TFB1M: variants seen among roughly 807,000 people sequenced by gnomAD.
TFB1M encodes dimethyladenosine transferase 1, mitochondrial.
TFB1M carries 27 observed loss-of-function variants against 31.1 expected under a neutral mutation model. That is an observed-to-expected ratio of 0.87 (90% CI 0.64 to 1.20). TFB1M has a LOEUF of 1.20. Ranked by LOEUF, TFB1M falls within the 50% of genes most tolerant of loss-of-function variation. The pLI, the probability that TFB1M is intolerant of heterozygous loss-of-function variation, is 0.00. For missense variants in TFB1M, 394 were observed against 418.7 expected (o/e 0.94, Z 0.51); for synonymous variants, 166 against 151.8 (o/e 1.09, Z -0.69).
intron 2 of TFB1M, among the ~76,000 whole-genome samples, chr6:155,307,904 A>G (rs1777855252): frequency 6.8e-6 from 1 of 148,022 alleles, no homozygotes. Flanking sequence ...GCTCTAAAAT[A>G]AACAGAAAAA....
At chr6:155,300,023 T>C (rs1008390139) in intron 2 of TFB1M, among the ~76,000 whole-genome samples, 62 of 152,232 alleles carry the variant, frequency 4.1e-4, no homozygotes, top group Non-Finnish European at 8.8e-5. Flanking sequence ...GAGTGTTTAA[T>C]ACATATTTAA....
chr6:155,246,891 A>C, the TFB1M span, among the ~76,000 whole-genome samples: 1 of 152,358 alleles, frequency 6.6e-6, no homozygotes, highest in Admixed American at 6.5e-5. Context: ...ATCTTCCTTC[A>C]GAGTAGCTGC....
the TFB1M span, chr6:155,250,784 C>A: frequency 8.8e-7 from 1 of 1,140,364 alleles, no homozygotes; most frequent in Non-Finnish European, 1.3e-6. Flanking sequence ...CCCATGTTTA[C>A]AGGTATCATA....
chr6:155,250,002 T>A, the TFB1M span: 3 of 1,557,102 alleles, frequency 1.9e-6, no homozygotes, highest in Non-Finnish European at 2.6e-6. Flanking sequence ...GGGAGCCTAG[T>A]GCATGTGGTG....
chr6:155,295,215 A>G (rs1777111772), intron 4 of TFB1M, among the ~76,000 whole-genome samples: 1 of 151,956 alleles, frequency 6.6e-6, no homozygotes, highest in Admixed American at 6.6e-5. Context: ...AAATACAAAA[A>G]ATTAGCCGGG....
At chr6:155,245,580 G>T in the TFB1M span, 1 of 1,523,192 alleles carries the variant, frequency 6.6e-7, no homozygotes, top group Non-Finnish European at 9.1e-7. Context: ...AGCACGCATT[G>T]ATTAAACCAT....
chr6:155,311,513 C>A (rs1488947685), intron 1 of TFB1M, among the ~76,000 whole-genome samples, 174 bp from the exon 2 acceptor site: 1 of 152,154 alleles, frequency 6.6e-6, no homozygotes, highest in Non-Finnish European at 1.5e-5. Context: ...AAGTGGCAAT[C>A]GAATATGCTA....
In TFB1M at chr6:155,257,925, A is replaced by AGAGTT. The variant is rs1204973438; in HGVS notation, c.947_951dup (p.Phe318AsnfsTer53). On this transcript the variant is annotated frameshift_variant, in exon 7 of 7. Transcript: ENST00000367166. LOFTEE classifies it low-confidence loss of function (END_TRUNC). ...AGTTCTTCTCTGAAATTATATGCAA[A>AGAGTT]GAGTTGTGGGTCTTCATCACACATT... The AGAGTT allele has an allele frequency of 1.9e-6, 3 of 1,614,120 alleles. No homozygotes were observed. The highest frequency in any genetic ancestry group is 1.7e-6 in the Non-Finnish European group (2 of 1,180,030).
chr6:155,256,530 GTGGACCGGTGAGAC>G lies in TFB1M; in HGVS notation c.*1292_*1305del. Reference sequence around the variant, plus strand: ...TCCTGAAGAATTCCTCCAGCAACGAGTGGACCGGTGAGACTGGCAAGGGAACCTTGCTGGACTCT... The same window carrying G: ...TCCTGAAGAATTCCTCCAGCAACGAGTGGCAAGGGAACCTTGCTGGACTCT... On this transcript the variant is annotated 3_prime_UTR_variant, in exon 7 of 7. Transcript: ENST00000367166. The G allele has an allele frequency of 6.2e-7, 1 of 1,614,244 alleles. No individual in the cohort carries two copies. Among genetic ancestry groups the G allele is most frequent in the Non-Finnish European group, 8.5e-7 (1 of 1,180,052 alleles).
chr6:155,250,599 G>T, the TFB1M span: 16 of 1,535,908 alleles, frequency 1.0e-5, no homozygotes, highest in African/African-American at 2.1e-4. Context: ...CTTACAAAAG[G>T]CACTCTGGAA....
chr6:155,243,846 C>CAAAAAAAAAAAAAAAA, the TFB1M span, among the ~76,000 whole-genome samples: 11 of 55,050 alleles, frequency 2.0e-4, no homozygotes, highest in African/African-American at 8.9e-4. Flanking sequence ...GACTCCGTCT[C>CAAAAAAAAAAAAAAAA]AAAAAAAAAA....
chr6:155,240,608 C>A, the TFB1M span: 1 of 1,614,184 alleles, frequency 6.2e-7, no homozygotes, highest in Non-Finnish European at 8.5e-7. Flanking sequence ...GCGGGAGAAT[C>A]AGGATCCTCC....
At chr6:155,253,148 GTGCCTTT>G (rs200237677), downstream of TFB1M, 1,021 of 1,081,724 alleles carry the variant, frequency 9.4e-4, 17 homozygotes, top group East Asian at 0.025. Flanking sequence ...ATAATTTTTG[GTGCCTTT>G]TATTTTATAG....
intron 2 of TFB1M, among the ~76,000 whole-genome samples, chr6:155,306,157 A>T (rs979272610): frequency 1.3e-5 from 2 of 152,314 alleles, no homozygotes; most frequent in East Asian, 3.9e-4. Context: ...GGATACCATT[A>T]CATATTCACT....
At chr6:155,271,325 C>T (rs1369367386) in intron 5 of TFB1M, among the ~76,000 whole-genome samples, 1 of 152,156 alleles carries the variant, frequency 6.6e-6, no homozygotes, top group African/African-American at 2.4e-5. Context: ...TCATGGGCTA[C>T]AACCTCAGTA....
At chr6:155,258,951 T>C (rs769309176) in intron 6 of TFB1M, among the ~76,000 whole-genome samples, 19 of 152,208 alleles carry the variant, frequency 1.2e-4, no homozygotes, top group Non-Finnish European at 2.5e-4. Context: ...TCAAAGTCCT[T>C]TGACCTGTTA....
intron 2 of TFB1M, among the ~76,000 whole-genome samples, chr6:155,308,748 C>T (rs1373218126): frequency 6.6e-6 from 1 of 152,206 alleles, no homozygotes; most frequent in African/African-American, 2.4e-5. Context: ...CTACAAATGA[C>T]AGGCTTTCAG....
chr6:155,253,832 A>ACAAGAACT, downstream of TFB1M: 1 of 617,866 alleles, frequency 1.6e-6, no homozygotes, highest in Non-Finnish European at 2.8e-6. Context: ...AATCATACAT[A>ACAAGAACT]GAACAAGCCA....
chr6:155,254,601 T>C (rs1359554754), downstream of TFB1M: 2 of 1,602,754 alleles, frequency 1.2e-6, no homozygotes, highest in Non-Finnish European at 1.7e-6. Flanking sequence ...CTTGTGTTTA[T>C]TCAACAAAAT....
Sources: gnomAD v4.1 joint callset for allele counts (sites outside exome capture counted in the v4.1 genomes callset) on GRCh38, gnomAD v4.1.1 for gene constraint, MANE v1.5 for transcripts, NCBI Gene and HGNC (gene_info 2026-07-23, HGNC 2026-07-21) for gene names.